Variants in SIPA1L3 observed in about 807,000 individuals in gnomAD.
SIPA1L3 encodes the protein signal induced proliferation associated 1 like 3, also known as signal-induced proliferation-associated 1-like protein 3.
In SIPA1L3, 59 loss-of-function variants were observed where a neutral mutation model predicts 150.1. The ratio of observed to expected loss-of-function variants is 0.39; its 90% CI spans 0.32 to 0.49. SIPA1L3 has a LOEUF of 0.49. Among genes scored for constraint, SIPA1L3 ranks in the 20% least tolerant of loss-of-function variants. The pLI, the probability that SIPA1L3 is intolerant of heterozygous loss-of-function variation, is 0.86. For missense variants in SIPA1L3, 2,211 were observed against 2,489.5 expected (o/e 0.89, Z 2.38); for synonymous variants, 1,070 against 1,077.6 (o/e 0.99, Z 0.14).
chr19:37,920,029 C>T (rs1326552081), intron 1 of SIPA1L3, among the ~76,000 whole-genome samples: 6 of 151,088 alleles, frequency 4.0e-5, no homozygotes, highest in Non-Finnish European at 8.9e-5. Context: ...GGCTTTAATA[C>T]CCCTCTGGCC....
intron 1 of SIPA1L3, among the ~76,000 whole-genome samples, chr19:37,914,919 A>G (rs1427717763): frequency 6.6e-6 from 1 of 152,208 alleles, no homozygotes; most frequent in East Asian, 1.9e-4. Context: ...TAGTCCAGTG[A>G]AGTAATTAAC....
At chr19:37,959,496 A>C (rs2046838518) in intron 1 of SIPA1L3, among the ~76,000 whole-genome samples, 1 of 152,222 alleles carries the variant, frequency 6.6e-6, no homozygotes, top group South Asian at 2.1e-4. Context: ...AAAATAGATT[A>C]GTGTTTGCTG....
chr19:38,138,735 T>TA (rs1971494089), intron 10 of SIPA1L3, among the ~76,000 whole-genome samples: 1 of 151,392 alleles, frequency 6.6e-6, no homozygotes, highest in Admixed American at 6.6e-5. Context: ...CCATCTCTAC[T>TA]AAAAATACAA....
intron 2 of SIPA1L3, among the ~76,000 whole-genome samples, chr19:38,043,761 C>G (rs1968983067): frequency 6.6e-6 from 1 of 152,214 alleles, no homozygotes; most frequent in Non-Finnish European, 1.5e-5. Context: ...GATACCGTGA[C>G]ACACCTGCTT....
intron 16 of SIPA1L3, 133 bp from the exon 17 acceptor site, chr19:38,192,012 C>T (rs1313044613): frequency 2.0e-5 from 15 of 752,678 alleles, no homozygotes; most frequent in East Asian, 2.9e-5. Context: ...CTCTCTGCCA[C>T]GCGTTTGCTG....
chr19:38,054,919 C>T (rs750351871), intron 2 of SIPA1L3, among the ~76,000 whole-genome samples: 4 of 152,118 alleles, frequency 2.6e-5, no homozygotes, highest in Admixed American at 1.3e-4. Context: ...GTCCATGTTC[C>T]CGGGAGCCCC....
intron 15 of SIPA1L3, among the ~76,000 whole-genome samples, chr19:38,168,469 A>T (rs1972256119): frequency 6.6e-6 from 1 of 152,108 alleles, no homozygotes; most frequent in African/African-American, 2.4e-5. Context: ...GTCTCAAAAA[A>T]ATAAAAAATA....
At chr19:38,103,770 C>G (rs117988834) in intron 6 of SIPA1L3, among the ~76,000 whole-genome samples, 1 of 151,256 alleles carries the variant, frequency 6.6e-6, no homozygotes, top group African/African-American at 2.4e-5. Flanking sequence ...AAAATACAGG[C>G]GAGCGCCTGT....
chr19:38,129,086 A>G (rs1471660574), intron 9 of SIPA1L3, among the ~76,000 whole-genome samples: 1 of 152,144 alleles, frequency 6.6e-6, no homozygotes, highest in African/African-American at 2.4e-5. Context: ...CTTGCTTAAT[A>G]GCCATGGCTG....
chr19:38,160,748 C>T (rs182199251), intron 13 of SIPA1L3, among the ~76,000 whole-genome samples: 110 of 152,288 alleles, frequency 7.2e-4, no homozygotes, highest in Non-Finnish European at 1.5e-4. Flanking sequence ...CACCTTTGGA[C>T]CAGCAATTCC....
At chr19:38,119,085 A>G (rs1568559437) in intron 8 of SIPA1L3, among the ~76,000 whole-genome samples, 1 of 152,144 alleles carries the variant, frequency 6.6e-6, no homozygotes. Flanking sequence ...AGTCCCAGCT[A>G]CTTGGGAGGC....
intron 1 of SIPA1L3, chr19:37,963,759 C>A (rs1217448967): frequency 6.6e-6 from 1 of 152,152 alleles, no homozygotes; most frequent in Non-Finnish European, 1.5e-5. Flanking sequence ...AAATACTTTT[C>A]TGAGCTCCTC....
intron 1 of SIPA1L3, among the ~76,000 whole-genome samples, chr19:37,962,721 G>A (rs151119174): frequency 6.6e-6 from 1 of 152,028 alleles, no homozygotes; most frequent in East Asian, 1.9e-4. Context: ...CAGACTCCTG[G>A]GCTCAAGCGA....
chr19:38,158,888 G>T (rs1972010843), intron 13 of SIPA1L3, among the ~76,000 whole-genome samples: 1 of 152,230 alleles, frequency 6.6e-6, no homozygotes, highest in Non-Finnish European at 1.5e-5. Context: ...TGGAGGTGCT[G>T]CAGGGCAGCC....
intron 1 of SIPA1L3, among the ~76,000 whole-genome samples, chr19:37,918,449 G>A (rs1461289968): frequency 2.0e-5 from 3 of 151,726 alleles, no homozygotes; most frequent in Admixed American, 2.0e-4. Context: ...TAGTAGAGAT[G>A]GGGTTTCACC....
At chr19:37,922,484 C>T (rs1303006193) in intron 1 of SIPA1L3, among the ~76,000 whole-genome samples, 2 of 151,372 alleles carry the variant, frequency 1.3e-5, no homozygotes, top group Admixed American at 1.3e-4. Flanking sequence ...ATCTCCATCT[C>T]CCGGGTTCCA....
chr19:38,107,429 G>A (rs1050542836), intron 7 of SIPA1L3, among the ~76,000 whole-genome samples: 1 of 152,194 alleles, frequency 6.6e-6, no homozygotes, highest in Non-Finnish European at 1.5e-5. Flanking sequence ...AGGAGGCAGG[G>A]ATACCAGGTG....
chr19:37,937,740 T>TAAAAAAAAAA (rs1432360946), intron 1 of SIPA1L3, among the ~76,000 whole-genome samples: 1 of 12,448 alleles, frequency 8.0e-5, no homozygotes, highest in Non-Finnish European at 1.2e-4. Context: ...AAACCCTGTC[T>TAAAAAAAAAA]CAAAAAAAAA....
chr19:38,172,970 C>T (rs1972358841), intron 15 of SIPA1L3, among the ~76,000 whole-genome samples: 1 of 152,004 alleles, frequency 6.6e-6, no homozygotes, highest in Admixed American at 6.6e-5. Flanking sequence ...GGTGTGGTGG[C>T]ACACGCATGT....
Sources: allele counts gnomAD v4.1 joint callset (sites outside exome capture counted in the v4.1 genomes callset), GRCh38; gene constraint gnomAD v4.1.1; transcripts MANE v1.5; gene names NCBI Gene and HGNC (gene_info 2026-07-23, HGNC 2026-07-21).